Variants in MAPKAP1 observed in about 807,000 individuals in gnomAD.
MAPKAP1 encodes the protein target of rapamycin complex 2 subunit MAPKAP1.
Under a neutral mutation model 65.7 loss-of-function variants are expected in MAPKAP1, and 20 were observed. The ratio of observed to expected loss-of-function variants is 0.30; its 90% CI spans 0.21 to 0.44. The LOEUF (loss-of-function observed/expected upper bound fraction) is 0.44, where lower values mean the gene tolerates loss of function less well. Ranked by LOEUF, MAPKAP1 falls within the 20% of genes least tolerant of loss-of-function variation. The pLI is 1.00. For missense variants in MAPKAP1, 423 were observed against 648.0 expected (o/e 0.65, Z 3.77); for synonymous variants, 222 against 244.3 (o/e 0.91, Z 0.85).
chr9:125,660,727 C>G (rs997830838), intron 3 of MAPKAP1, among the ~76,000 whole-genome samples: 1 of 152,138 alleles, frequency 6.6e-6, no homozygotes, highest in African/African-American at 2.4e-5. Context: ...ACCCATCAAC[C>G]GACACTTCAA....
intron 4 of MAPKAP1, among the ~76,000 whole-genome samples, chr9:125,608,322 C>A (rs1320983462): frequency 6.6e-6 from 1 of 152,190 alleles, no homozygotes; most frequent in African/African-American, 2.4e-5. Flanking sequence ...GTTCACATCT[C>A]TTGCTTCCTG....
At chr9:125,613,611 A>T (rs1832663867) in intron 4 of MAPKAP1, among the ~76,000 whole-genome samples, 1 of 152,076 alleles carries the variant, frequency 6.6e-6, no homozygotes, top group Non-Finnish European at 1.5e-5. Context: ...TTCCACACAG[A>T]TGCTAATCCA....
intron 4 of MAPKAP1, among the ~76,000 whole-genome samples, chr9:125,611,419 A>C (rs568591): frequency 0.91 from 139,115 of 152,148 alleles, 64,772 homozygotes; most frequent in East Asian, 1. Flanking sequence ...AAGAAAGAGA[A>C]ATTAAGAGAT....
chr9:125,611,551 A>C (rs73667023), intron 4 of MAPKAP1, among the ~76,000 whole-genome samples: 4,058 of 152,302 alleles, frequency 0.027, 183 homozygotes, highest in African/African-American at 0.093. Context: ...AGAATGATGA[A>C]AGACACTAAT....
chr9:125,682,127 C>T (rs968193043), intron 1 of MAPKAP1, among the ~76,000 whole-genome samples: 1 of 152,168 alleles, frequency 6.6e-6, no homozygotes, highest in African/African-American at 2.4e-5. Context: ...ATTGATACTT[C>T]AGGAAAATGT....
chr9:125,558,698 A>C (rs1830808817), intron 6 of MAPKAP1, among the ~76,000 whole-genome samples: 1 of 152,220 alleles, frequency 6.6e-6, no homozygotes, highest in African/African-American at 2.4e-5. Context: ...CTAGGTTGAA[A>C]AAAAGCTTAG....
intron 4 of MAPKAP1, among the ~76,000 whole-genome samples, chr9:125,619,622 A>AG (rs1458507480): frequency 6.6e-6 from 1 of 152,150 alleles, no homozygotes; most frequent in African/African-American, 2.4e-5. Context: ...GAGAGAAATC[A>AG]GGAACCTTCA....
chr9:125,509,584 C>T (rs1306190718), intron 7 of MAPKAP1, among the ~76,000 whole-genome samples: 3 of 152,166 alleles, frequency 2.0e-5, no homozygotes, highest in Non-Finnish European at 2.9e-5. Context: ...AAAGCAGACA[C>T]GATCTGTTTA....
intron 10 of MAPKAP1, among the ~76,000 whole-genome samples, chr9:125,463,270 G>C (rs1485341853): frequency 6.6e-6 from 1 of 152,208 alleles, no homozygotes; most frequent in Non-Finnish European, 1.5e-5. Context: ...TTACAGCCTG[G>C]ACTTACCTAT....
In MAPKAP1 at chr9:125,438,126, G is replaced by T. The variant is rs1042802690; in HGVS notation, c.*761C>A. ...GACCATGTCTGGCTGGGAGTGCAGCGTGCCTGAGGACCAGCCACCGCCCCT... is the reference window on the plus strand; with the variant it reads ...GACCATGTCTGGCTGGGAGTGCAGCTTGCCTGAGGACCAGCCACCGCCCCT... On this transcript the variant is annotated 3_prime_UTR_variant, in exon 12 of 12. Coordinates refer to ENST00000265960, the MANE Select transcript of MAPKAP1 (RefSeq NM_001006617.3). 2.6e-6 allele frequency: 1 copy of T among 380,614 alleles called. No individual in the cohort carries two copies. Among genetic ancestry groups the T allele is most frequent in the Non-Finnish European group, 4.6e-6 (1 of 215,206 alleles). 23.6% of individuals were successfully genotyped at this position (380,614 alleles called of 1,614,324 possible).
chr9:125,639,964 CTCAG>C (rs1220756722), intron 4 of MAPKAP1, among the ~76,000 whole-genome samples: 2 of 152,144 alleles, frequency 1.3e-5, no homozygotes, highest in East Asian at 1.9e-4. Flanking sequence ...CAGTGAAAAA[CTCAG>C]TCAAAGATTC....
Position 125,543,174 on chromosome 9 carries a change from G to A in MAPKAP1, c.849-6C>T, listed in dbSNP as rs763205710. ...AGAATCCATGAGCAGCATTTCTGTA[G>A]GAAAAGACAAATATTAAATCATCAC... On this transcript the variant is annotated splice_region_variant and splice_polypyrimidine_tract_variant and intron_variant, in intron 6 of 11. Transcript: ENST00000265960. The A allele has an allele frequency of 6.3e-7, 1 of 1,575,792 alleles. No homozygotes were observed. Among genetic ancestry groups the A allele is most frequent in the South Asian group, 1.1e-5 (1 of 90,222 alleles).
At chr9:125,643,594 T>A (rs944328803) in intron 4 of MAPKAP1, among the ~76,000 whole-genome samples, 12 of 152,240 alleles carry the variant, frequency 7.9e-5, no homozygotes, top group Non-Finnish European at 1.8e-4. Context: ...TTATGTAATA[T>A]TCATTAGGTG....
chr9:125,451,406 G>A (rs1000231987), intron 10 of MAPKAP1, among the ~76,000 whole-genome samples: 2 of 152,150 alleles, frequency 1.3e-5, no homozygotes, highest in Non-Finnish European at 2.9e-5. Flanking sequence ...TCCTTGATCA[G>A]CACCTCCTCT....
At chr9:125,452,289 G>C (rs916790850) in intron 10 of MAPKAP1, among the ~76,000 whole-genome samples, 3 of 151,980 alleles carry the variant, frequency 2.0e-5, no homozygotes, top group Non-Finnish European at 4.4e-5. Context: ...TGTGGAGATG[G>C]GGTTTTGCCA....
In MAPKAP1 at chr9:125,439,133, C is replaced by T. The variant is rs978224400; in HGVS notation, c.1444-121G>A. 3.8e-5 allele frequency: 42 copies of T among 1,116,782 alleles called. No homozygotes were observed. In the East Asian group the frequency reaches 4.3e-4, roughly 12 times the overall value. The allele number at this position is 1,116,782 out of a possible 1,614,324, so 69.2% of individuals were successfully genotyped here. A position where few individuals can be genotyped will look rare whatever the true frequency, so the allele number is the denominator to read the frequency against. ...CGGGTGCCTCAGGGCCAGGTGCTGT[C>T]GTGTGGAAGGAGTCCAGTCATCACA... On this transcript the variant is annotated intron_variant, in intron 11 of 11. Transcript: ENST00000265960. The surrounding 1 kb of genome is among the most constrained non-coding windows in gnomAD (Gnocchi z 4.0).
intron 4 of MAPKAP1, among the ~76,000 whole-genome samples, chr9:125,593,929 A>G (rs894087513): frequency 2.0e-5 from 3 of 152,086 alleles, no homozygotes; most frequent in African/African-American, 7.2e-5. Context: ...ATCCAACACC[A>G]ATTTTCTTCT....
At chr9:125,522,311 T>C (rs945568920) in intron 7 of MAPKAP1, among the ~76,000 whole-genome samples, 4 of 152,244 alleles carry the variant, frequency 2.6e-5, no homozygotes, top group Non-Finnish European at 5.9e-5. Flanking sequence ...AACCAGCTTT[T>C]TTTCCTTGTA....
At chr9:125,684,702 T>C (rs1421788819) in intron 1 of MAPKAP1, among the ~76,000 whole-genome samples, 6 of 152,096 alleles carry the variant, frequency 3.9e-5, no homozygotes, top group Admixed American at 3.3e-4. Flanking sequence ...TGAGAAGCCT[T>C]TTCACCCTTC....
Sources: allele counts gnomAD v4.1 joint callset (sites outside exome capture counted in the v4.1 genomes callset), GRCh38; gene constraint gnomAD v4.1.1; non-coding constraint Gnocchi (gnomAD v3.1); transcripts MANE v1.5; gene names NCBI Gene and HGNC (gene_info 2026-07-23, HGNC 2026-07-21).